The following ACACA variants were observed in gnomAD, a reference collection of about 807,000 sequenced individuals.
ACACA encodes acetyl-CoA carboxylase 1.
A neutral mutation model predicts 296.1 loss-of-function variants in ACACA; 103 were observed. The observed-to-expected ratio is 0.35, with a 90% CI of 0.30 to 0.41. The LOEUF is 0.41. ACACA is among the 10% of genes least tolerant of loss of function. The pLI is 1.00. For missense variants in ACACA, 1,554 were observed against 2,989.7 expected (o/e 0.52, Z 11.20); for synonymous variants, 953 against 1,038.6 (o/e 0.92, Z 1.58).
chr17:37,095,393 T>C (rs1424821032), intron 54 of ACACA, among the ~76,000 whole-genome samples: 9 of 152,208 alleles, frequency 5.9e-5, no homozygotes, highest in Admixed American at 5.2e-4. Context: ...AACTGCACAT[T>C]TGAAATATTT....
At chr17:37,203,065 G>C (rs372911488) in intron 33 of ACACA, among the ~76,000 whole-genome samples, 1 of 151,604 alleles carries the variant, frequency 6.6e-6, no homozygotes, top group South Asian at 2.1e-4. Flanking sequence ...AGGTTCAAGC[G>C]ATTCTCTTGC....
chr17:37,247,602 G>C (rs2080777791), intron 18 of ACACA, among the ~76,000 whole-genome samples: 1 of 152,094 alleles, frequency 6.6e-6, no homozygotes, highest in African/African-American at 2.4e-5. Context: ...CCCAGCCTCA[G>C]GTGATCCACC....
intron 43 of ACACA, among the ~76,000 whole-genome samples, chr17:37,155,396 T>C (rs1034912866): frequency 1.3e-5 from 2 of 152,188 alleles, no homozygotes; most frequent in African/African-American, 2.4e-5. Context: ...CATAAATTCA[T>C]AATCGTGGCC....
chr17:37,221,908 A>G lies in ACACA; in HGVS notation c.3565-66T>C. On this transcript the variant is annotated intron_variant, in intron 28 of 55. Coordinates refer to ENST00000616317, the MANE Select transcript of ACACA (RefSeq NM_198834.3). ...AGAAATTAAGAAAATAGCCCAGAAA[A>G]AGAGTCTTGAAACGAGGTATCTGAG... 3 of 1,398,936 alleles carry G rather than the reference A, an allele frequency of 2.1e-6. No homozygotes were observed. In the East Asian group the frequency reaches 6.9e-5, roughly 32 times the overall value. The allele number at this position is 1,398,936 out of a possible 1,614,324, so 86.7% of individuals were successfully genotyped here. A position where few individuals can be genotyped will look rare whatever the true frequency, so the allele number is the denominator to read the frequency against.
intron 29 of ACACA, among the ~76,000 whole-genome samples, chr17:37,210,923 T>C (rs1281128697): frequency 6.6e-6 from 1 of 152,120 alleles, no homozygotes; most frequent in Non-Finnish European, 1.5e-5. Context: ...GAAGGTGTAA[T>C]AAGGAGGTCC....
intron 16 of ACACA, among the ~76,000 whole-genome samples, chr17:37,250,754 G>A (rs944548430): frequency 3.3e-5 from 5 of 151,542 alleles, no homozygotes; most frequent in East Asian, 2.0e-4. Flanking sequence ...AGCCGGGCAC[G>A]GTGGCTCACG....
At chr17:37,168,424 GAGAAA>G (rs1289457098) in intron 41 of ACACA, among the ~76,000 whole-genome samples, 2 of 151,510 alleles carry the variant, frequency 1.3e-5, no homozygotes, top group African/African-American at 4.8e-5. Context: ...AAAAATAACT[GAGAAA>G]AGAAAACTAC....
At position 37,390,242 on chromosome 17, in the gene ACACA, TTA is replaced by T. The variant is rs1275489019; in HGVS notation, c.38+16018_38+16019del. Reference sequence around the variant, plus strand: ...ATTATATATAATTATATATAATATATTATATATATATTATATATAATTATATA... The same window carrying T: ...ATTATATATAATTATATATAATATATTATATATATTATATATAATTATATA... On this transcript the variant is annotated intron_variant, in intron 1 of 55. Coordinates refer to ENST00000616317, the MANE Select transcript of ACACA (RefSeq NM_198834.3). Among the ~76,000 whole-genome samples, 371 of 48,604 alleles carry T rather than the reference TTA, an allele frequency of 7.6e-3. 9 individuals are homozygous for T. The highest frequency in any genetic ancestry group is 0.033 in the African/African-American group (249 of 7,436). The allele number at this position is 48,604 out of a possible 152,430, so 31.9% of individuals were successfully genotyped here. A position where few individuals can be genotyped will look rare whatever the true frequency, so the allele number is the denominator to read the frequency against.
At chr17:37,202,550 C>T (rs1468597562) in intron 33 of ACACA, among the ~76,000 whole-genome samples, 1 of 150,556 alleles carries the variant, frequency 6.6e-6, no homozygotes, top group African/African-American at 2.4e-5. Flanking sequence ...TTAATGTGTG[C>T]CTTAAAAAAA....
intron 3 of ACACA, among the ~76,000 whole-genome samples, chr17:37,327,148 C>T (rs776894528): frequency 2.6e-5 from 4 of 152,160 alleles, no homozygotes; most frequent in Non-Finnish European, 5.9e-5. Context: ...TCAACTTAGT[C>T]TCTATTTAAC....
intron 4 of ACACA, 65 bp downstream of exon 4, chr17:37,284,773 C>T (rs2082693769): frequency 3.7e-6 from 6 of 1,608,052 alleles, no homozygotes; most frequent in Non-Finnish European, 5.1e-6. Context: ...ATCTAGACAA[C>T]AAATCTAGGC....
intron 1 of ACACA, among the ~76,000 whole-genome samples, chr17:37,375,592 C>A (rs2049970491): frequency 6.6e-6 from 1 of 152,140 alleles, no homozygotes; most frequent in South Asian, 2.1e-4. Context: ...CATAAAAGGG[C>A]CTGTACTAGA....
chr17:37,181,462 TGGTA>T (rs1262945687), intron 39 of ACACA, 106 bp from the exon 40 acceptor site: 3 of 1,306,120 alleles, frequency 2.3e-6, no homozygotes, highest in Non-Finnish European at 3.3e-6. Flanking sequence ...AAAACATTTT[TGGTA>T]GGTTGAGTAG....
intron 39 of ACACA, among the ~76,000 whole-genome samples, chr17:37,186,777 T>C (rs143602726): frequency 4.6e-5 from 7 of 152,230 alleles, no homozygotes; most frequent in African/African-American, 1.7e-4. Context: ...GCTTATTGTG[T>C]GCTTATTTTG....
At chr17:37,209,614 G>A (rs980102383) in intron 30 of ACACA, among the ~76,000 whole-genome samples, 3 of 152,080 alleles carry the variant, frequency 2.0e-5, no homozygotes, top group Non-Finnish European at 2.9e-5. Flanking sequence ...CATCCAAATT[G>A]GGATCTAAAA....
At chr17:37,250,498 C>T (rs1250602179) in intron 16 of ACACA, among the ~76,000 whole-genome samples, 6 of 151,794 alleles carry the variant, frequency 4.0e-5, no homozygotes, top group South Asian at 2.1e-4. Flanking sequence ...ATGAGCTGGG[C>T]GTGGTGGTGC....
chr17:37,205,139 T>C (rs923564025), intron 33 of ACACA, among the ~76,000 whole-genome samples: 1 of 152,066 alleles, frequency 6.6e-6, no homozygotes, highest in African/African-American at 2.4e-5. Flanking sequence ...CAAATAAATA[T>C]GTACAGATTG....
chr17:37,118,774 G>C (rs2074379494), intron 50 of ACACA, among the ~76,000 whole-genome samples: 1 of 152,136 alleles, frequency 6.6e-6, no homozygotes, highest in African/African-American at 2.4e-5. Context: ...CTACCCCTTA[G>C]AGGTGCTTGT....
intron 33 of ACACA, among the ~76,000 whole-genome samples, chr17:37,204,622 C>CTCA (rs1193342464): frequency 6.6e-6 from 1 of 152,146 alleles, no homozygotes; most frequent in Non-Finnish European, 1.5e-5. Context: ...GTTAGGGCTA[C>CTCA]TCAGAAGTCC....
Sources: allele counts gnomAD v4.1 joint callset (sites outside exome capture counted in the v4.1 genomes callset), GRCh38; gene constraint gnomAD v4.1.1; transcripts MANE v1.5; gene names NCBI Gene and HGNC (gene_info 2026-07-23, HGNC 2026-07-21).